Variants in KCNH7 observed in about 807,000 individuals in gnomAD.
KCNH7 encodes the protein voltage-gated inwardly rectifying potassium channel KCNH7.
In KCNH7, 49 loss-of-function variants were observed where a neutral mutation model predicts 120.8. That is an observed-to-expected ratio of 0.41 (90% confidence interval 0.32 to 0.51). The LOEUF (loss-of-function observed/expected upper bound fraction) is 0.51. KCNH7 is among the 20% of genes least tolerant of loss of function. The probability of loss-of-function intolerance (pLI) is 0.38; values close to 1 mark genes in which losing one functional copy is unlikely to be tolerated. For synonymous variants in KCNH7, 547 were observed against 516.1 expected, an observed-to-expected ratio of 1.06 and a Z score of -0.81; for missense variants, 1,097 against 1,446.6, an observed-to-expected ratio of 0.76 and a Z score of 3.92.
intron 2 of KCNH7, among the ~76,000 whole-genome samples, chr2:162,792,331 T>A (rs1255757875): frequency 6.6e-6 from 1 of 152,090 alleles, no homozygotes. Flanking sequence ...CCTCCTCAAT[T>A]TTTTTGGAAT....
chr2:162,632,427 A>T (rs1039438342), intron 2 of KCNH7, among the ~76,000 whole-genome samples: 1 of 151,954 alleles, frequency 6.6e-6, no homozygotes, highest in African/African-American at 2.4e-5. Flanking sequence ...GTTTCATAGG[A>T]TATCAATTTC....
At chr2:162,738,621 T>C (rs1297271342) in intron 2 of KCNH7, among the ~76,000 whole-genome samples, 1 of 152,156 alleles carries the variant, frequency 6.6e-6, no homozygotes, top group Non-Finnish European at 1.5e-5. Context: ...ATAGAGCACA[T>C]TGGACAAAAG....
chr2:162,756,294 G>A (rs1220883423), intron 2 of KCNH7, among the ~76,000 whole-genome samples: 1 of 152,030 alleles, frequency 6.6e-6, no homozygotes, highest in African/African-American at 2.4e-5. Flanking sequence ...TTCTAGTTAA[G>A]GTCATAGGTT....
At chr2:162,444,632 C>T (rs1688525237) in intron 7 of KCNH7, among the ~76,000 whole-genome samples, 1 of 152,102 alleles carries the variant, frequency 6.6e-6, no homozygotes, top group African/African-American at 2.4e-5. Context: ...TACTTCTAAG[C>T]TTGTCTACAA....
chr2:162,462,855 A>G (rs1214872646), intron 6 of KCNH7, among the ~76,000 whole-genome samples: 1 of 152,070 alleles, frequency 6.6e-6, no homozygotes, highest in African/African-American at 2.4e-5. Context: ...AAAACATCAC[A>G]TTATATCCCA....
chr2:162,837,168 T>A (rs1270094478), intron 1 of KCNH7, among the ~76,000 whole-genome samples: 1 of 152,202 alleles, frequency 6.6e-6, no homozygotes, highest in Admixed American at 6.5e-5. Flanking sequence ...GTTGTCAGAT[T>A]TCTCATTTCA....
At chr2:162,506,212 C>A (rs1246235817) in intron 5 of KCNH7, among the ~76,000 whole-genome samples, 1 of 151,834 alleles carries the variant, frequency 6.6e-6, no homozygotes, top group Non-Finnish European at 1.5e-5. Context: ...TAGAACCTAA[C>A]TCTCTTTACT....
chr2:162,737,329 A>G (rs1412272639), intron 2 of KCNH7, among the ~76,000 whole-genome samples: 1 of 152,064 alleles, frequency 6.6e-6, no homozygotes, highest in Non-Finnish European at 1.5e-5. Context: ...CAGAAGAGAG[A>G]GAGTAGCCTT....
chr2:162,714,128 T>C (rs1642050302), intron 2 of KCNH7, among the ~76,000 whole-genome samples: 1 of 152,196 alleles, frequency 6.6e-6, no homozygotes, highest in South Asian at 2.1e-4. Context: ...TATTATCCAC[T>C]ATTTCTGCAG....
intron 2 of KCNH7, chr2:162,796,015 AG>A (rs1341711505): frequency 6.6e-6 from 1 of 152,118 alleles, no homozygotes. Context: ...ACCAGGCTCA[AG>A]GAACAAATGA....
intron 2 of KCNH7, among the ~76,000 whole-genome samples, chr2:162,763,793 C>A (rs1305939473): frequency 6.9e-6 from 1 of 145,580 alleles, no homozygotes; most frequent in Admixed American, 6.9e-5. Flanking sequence ...TTTTTTTTTA[C>A]TACTTATGCT....
intron 2 of KCNH7, among the ~76,000 whole-genome samples, chr2:162,567,761 G>T (rs1244838915): frequency 6.6e-6 from 1 of 151,916 alleles, no homozygotes; most frequent in Non-Finnish European, 1.5e-5. Flanking sequence ...ATGTATGTAT[G>T]AAACAATGAG....
intron 2 of KCNH7, among the ~76,000 whole-genome samples, chr2:162,699,761 G>T (rs1421055162): frequency 1.3e-5 from 2 of 152,070 alleles, no homozygotes; most frequent in Non-Finnish European, 2.9e-5. Context: ...TGTTCCTGGT[G>T]AACACAGTTT....
intron 6 of KCNH7, among the ~76,000 whole-genome samples, chr2:162,453,014 C>T (rs1172424830): frequency 6.6e-6 from 1 of 151,924 alleles, no homozygotes; most frequent in Non-Finnish European, 1.5e-5. Flanking sequence ...CATAGGTATA[C>T]ATGTACCATG....
intron 2 of KCNH7, among the ~76,000 whole-genome samples, chr2:162,692,237 T>C (rs911126972): frequency 2.0e-5 from 3 of 151,856 alleles, no homozygotes; most frequent in African/African-American, 7.3e-5. Flanking sequence ...GCAATTCTTG[T>C]GCCTCAGCCT....
chr2:162,776,498 G>A (rs892507144), intron 2 of KCNH7, among the ~76,000 whole-genome samples: 2 of 152,044 alleles, frequency 1.3e-5, no homozygotes, highest in African/African-American at 4.8e-5. Context: ...AAAGAGAGGA[G>A]AAAGATGCAT....
chr2:162,629,999 G>A (rs924099636), intron 2 of KCNH7, among the ~76,000 whole-genome samples: 1 of 152,034 alleles, frequency 6.6e-6, no homozygotes, highest in African/African-American at 2.4e-5. Context: ...TCAGTTTTCA[G>A]AGGCAGAAAA....
chr2:162,447,832 C>T (rs1239231472), intron 6 of KCNH7, among the ~76,000 whole-genome samples: 1 of 151,982 alleles, frequency 6.6e-6, no homozygotes, highest in Non-Finnish European at 1.5e-5. Context: ...TTTAAAAGGA[C>T]TTTGAAAGTT....
intron 2 of KCNH7, chr2:162,768,869 G>C (rs972903125): frequency 1.3e-5 from 2 of 152,234 alleles, no homozygotes; most frequent in African/African-American, 4.8e-5. Flanking sequence ...AGGTTGGCTA[G>C]TGTTAAAGGG....
Sources: allele counts gnomAD v4.1 joint callset (sites outside exome capture counted in the v4.1 genomes callset), GRCh38; gene constraint gnomAD v4.1.1; transcripts MANE v1.5; gene names NCBI Gene and HGNC (gene_info 2026-07-23, HGNC 2026-07-21).